The following COL6A3 variants were observed in gnomAD, a reference collection of about 807,000 sequenced individuals.
COL6A3 encodes the protein collagen type VI alpha 3 chain.
COL6A3 carries 137 observed loss-of-function variants against 274.1 expected under a neutral mutation model. The observed-to-expected ratio is 0.50, with a 90% CI of 0.44 to 0.58. The LOEUF (loss-of-function observed/expected upper bound fraction) is 0.58. Among genes scored for constraint, COL6A3 ranks in the 20% least tolerant of loss-of-function variants. COL6A3 has a pLI of 0.00. For synonymous variants in COL6A3, 1,650 were observed against 1,650.6 expected, an observed-to-expected ratio of 1.00 and a Z score of 0.01; for missense variants, 3,950 against 4,124.9, an observed-to-expected ratio of 0.96 and a Z score of 1.16.
chr2:237,383,239 A>G (rs2078055552), intron 4 of COL6A3, among the ~76,000 whole-genome samples: 2 of 152,228 alleles, frequency 1.3e-5, no homozygotes, highest in Admixed American at 1.3e-4. Flanking sequence ...TAGCATCAAG[A>G]CAAGGTCTAT....
intron 42 of COL6A3, among the ~76,000 whole-genome samples, chr2:237,330,690 A>T (rs1444683153): frequency 2.6e-5 from 4 of 152,170 alleles, no homozygotes; most frequent in South Asian, 4.1e-4. Context: ...GAGGACAAAA[A>T]ATGCCCCAAC....
Position 237,371,655 on chromosome 2 carries a change from G to T in COL6A3, c.4285+77C>A. 1 of 1,516,612 alleles carries T rather than the reference G, an allele frequency of 6.6e-7. No individual in the cohort carries two copies. Among genetic ancestry groups the T allele is most frequent in the South Asian group, 1.4e-5 (1 of 73,682 alleles). The allele number at this position is 1,516,612 out of a possible 1,614,324, so 93.9% of individuals were successfully genotyped here. The stretch of plus-strand genomic sequence containing the variant: ...CCTTTATTTTAATTTAATTTATTAT[G>T]AGTACCATGGCCTTTGAGCCTGTTA... On this transcript the variant is annotated intron_variant, in intron 9 of 43. Coordinates refer to ENST00000295550, the MANE Select transcript of COL6A3 (RefSeq NM_004369.4). The surrounding 1 kb of genome is among the most constrained non-coding windows in gnomAD (Gnocchi z 4.3).
At chr2:237,382,298 A>T (rs2078026795) in intron 4 of COL6A3, among the ~76,000 whole-genome samples, 1 of 152,060 alleles carries the variant, frequency 6.6e-6, no homozygotes, top group Non-Finnish European at 1.5e-5. Flanking sequence ...CATGAGAATC[A>T]CTTGAACCTG....
At chr2:237,341,327 C>T (rs1029219882) in intron 37 of COL6A3, among the ~76,000 whole-genome samples, 177 bp from the exon 38 acceptor site, 3 of 152,020 alleles carry the variant, frequency 2.0e-5, no homozygotes, top group Admixed American at 6.6e-5. Context: ...AGGTGGATCA[C>T]GAGGTCAAGA....
In COL6A3 at chr2:237,332,117, A is replaced by ATATATATATG. The variant is rs35490728; in HGVS notation, c.9328+1332_9328+1333insCATATATATA. Reference sequence around the variant, plus strand: ...TATATATATATATATATATATATATATGAAAAGAAAAACAAAACAGCCCAG... The same window carrying ATATATATATG: ...TATATATATATATATATATATATATATATATATATGTGAAAAGAAAAACAAAACAGCCCAG... On this transcript the variant is annotated intron_variant, in intron 42 of 43. Transcript: ENST00000295550. Among the ~76,000 whole-genome samples the ATATATATATG allele has an allele frequency of 8.4e-3, 536 of 64,152 alleles. 104 individuals are homozygous for ATATATATATG. Among genetic ancestry groups the ATATATATATG allele is most frequent in the Middle Eastern group, 0.024 (2 of 82 alleles). The allele number at this position is 64,152 out of a possible 152,430, so 42.1% of individuals were successfully genotyped here. A position where few individuals can be genotyped will look rare whatever the true frequency, so the allele number is the denominator to read the frequency against.
At chr2:237,365,669 G>A (rs959391815) in intron 12 of COL6A3, 29 bp downstream of exon 12, 2 of 1,608,728 alleles carry the variant, frequency 1.2e-6, no homozygotes, top group Non-Finnish European at 1.7e-6. Context: ...ATTTCCCAGG[G>A]AGCACCTGAA....
At chr2:237,366,180 A>G in intron 11 of COL6A3, 145 bp from the exon 12 acceptor site, 1 of 731,746 alleles carries the variant, frequency 1.4e-6, no homozygotes, top group East Asian at 2.7e-5. Context: ...GTGAGCTTTG[A>G]GAAGCAATTC....
intron 13 of COL6A3, 64 bp from the exon 14 acceptor site, chr2:237,363,462 T>TC: frequency 3.2e-6 from 5 of 1,584,486 alleles, no homozygotes; most frequent in Non-Finnish European, 4.3e-6. Context: ...TGTCCTTTTT[T>TC]CCTGACTACA....
chr2:237,347,418 A>G (rs1173776674), intron 31 of COL6A3, among the ~76,000 whole-genome samples: 1 of 152,216 alleles, frequency 6.6e-6, no homozygotes, highest in Non-Finnish European at 1.5e-5. Flanking sequence ...TTGCAAGCCT[A>G]GAGGCTTCAG....
chr2:237,324,680 G>A lies in COL6A3; in HGVS notation c.*94C>T. 1 of 1,128,660 alleles carries A rather than the reference G, an allele frequency of 8.9e-7. No homozygotes were observed. Among genetic ancestry groups the A allele is most frequent in the African/African-American group, 1.5e-5 (1 of 65,318 alleles). The allele number at this position is 1,128,660 out of a possible 1,614,324, so 69.9% of individuals were successfully genotyped here. ...AAATCAAAGCATGAAATGATACAGT[G>A]CAAGGGAATCTACACCCGGAGCTTC... On this transcript the variant is annotated 3_prime_UTR_variant, in exon 44 of 44. Coordinates refer to ENST00000295550, the MANE Select transcript of COL6A3 (RefSeq NM_004369.4).
Position 237,336,473 on chromosome 2 carries a change from G to A in COL6A3, c.8627C>T (p.Pro2876Leu), listed in dbSNP as rs367635298. 41 of 1,614,190 alleles carry A rather than the reference G, an allele frequency of 2.5e-5. No individual in the cohort carries two copies. Among genetic ancestry groups the A allele is most frequent in the East Asian group, 1.3e-4 (6 of 44,886 alleles). The stretch of plus-strand genomic sequence containing the variant: ...GGTCACCGGCTTCGTCGTAGTCACC[G>A]GCTTCGTTGTCGTCACTGGGTTGGA... The part of the protein sequence containing the change: ...PTSNPVTTTK[P>L]VTTTKPVTTT... Residue 2876 changes from proline (P) to leucine (L), a missense_variant, in exon 40 of 44, where the codon CCG (proline) becomes CTG (leucine). This residue lies in a region of COL6A3 where 1,284 missense variants were observed against 1,349.7 expected (regional missense o/e 0.95). Transcript: ENST00000295550.
At chr2:237,411,595 T>C (rs1442383387) in intron 1 of COL6A3, among the ~76,000 whole-genome samples, 1 of 152,212 alleles carries the variant, frequency 6.6e-6, no homozygotes, top group Non-Finnish European at 1.5e-5. Context: ...AACAATCGAC[T>C]GAAGAGAGGA....
In COL6A3 at chr2:237,344,210, A is replaced by G. The variant is rs545754286; in HGVS notation, c.7668+140T>C. ...GTTGTCCTGGAGACCTCACAAGAGA[A>G]GTTCTCAGGCAGATGGCCTCATTGG... On this transcript the variant is annotated intron_variant, in intron 36 of 43. Coordinates refer to ENST00000295550, the MANE Select transcript of COL6A3 (RefSeq NM_004369.4). This position sits in a 1 kb window ranked among gnomAD's most constrained non-coding sequence, Gnocchi z 4.8. 2 of 1,296,058 alleles carry G rather than the reference A, an allele frequency of 1.5e-6. No homozygotes were observed. Among genetic ancestry groups the G allele is most frequent in the African/African-American group, 1.5e-5 (1 of 68,820 alleles). The allele number at this position is 1,296,058 out of a possible 1,614,324, so 80.3% of individuals were successfully genotyped here.
chr2:237,388,016 A>G lies in COL6A3; in HGVS notation c.878T>C (p.Met293Thr), dbSNP rs1361910233. 1.2e-6 allele frequency: 2 copies of G among 1,614,152 alleles called. No homozygotes were observed. The highest frequency in any genetic ancestry group is 1.7e-5 in the Admixed American group (1 of 60,016). ...GGTGGAGTAGGTGTCCAAGGAGAACATGGTTCTGGGCTCATCGCTAAACTG... is the reference window on the plus strand; with the variant it reads ...GGTGGAGTAGGTGTCCAAGGAGAACGTGGTTCTGGGCTCATCGCTAAACTG... ...VVQFSDEPRT[M>T]FSLDTYSTKA... is the part of the protein sequence containing the mutation. Residue 293 changes from methionine to threonine, a missense_variant, in exon 4 of 44, where the codon ATG (methionine) becomes ACG (threonine). This residue lies in a region of COL6A3 where 1,934 missense variants were observed against 1,984.3 expected (regional missense o/e 0.97). Transcript: ENST00000295550.
intron 25 of COL6A3, 25 bp from the exon 26 acceptor site, chr2:237,352,609 A>T (rs749325049): frequency 3.1e-6 from 5 of 1,606,640 alleles, no homozygotes; most frequent in South Asian, 1.1e-5. Context: ...GACCATCGTG[A>T]GTGCTAATGA....
intron 42 of COL6A3, chr2:237,325,941 T>C: frequency 4.1e-6 from 2 of 483,736 alleles, no homozygotes; most frequent in East Asian, 3.2e-5. Flanking sequence ...GATGAAATTA[T>C]ATCAATGAAA....
chr2:237,348,794 A>T (rs2077148011), intron 28 of COL6A3, 131 bp from the exon 29 acceptor site: 1 of 778,744 alleles, frequency 1.3e-6, no homozygotes, highest in Non-Finnish European at 2.3e-6. Flanking sequence ...AAGGTACAGG[A>T]GTAGGCACAC....
intron 17 of COL6A3, among the ~76,000 whole-genome samples, chr2:237,359,817 C>T (rs1017574399): frequency 1.6e-4 from 24 of 152,228 alleles, no homozygotes; most frequent in African/African-American, 5.8e-4. Flanking sequence ...GCCTACCCTC[C>T]GCCCTGGCCC....
At position 237,361,714 on chromosome 2, in the gene COL6A3, G is replaced by A. The variant is rs111755513; in HGVS notation, c.6156+25C>T. 1.1e-3 allele frequency: 1,713 copies of A among 1,604,420 alleles called. 9 individuals are homozygous for A. Among genetic ancestry groups the A allele is most frequent in the South Asian group, 3.5e-3 (317 of 90,892 alleles). ...GGGCTTCTGACACCTCATCTCAGGC[G>A]TGGGCAAGGGTAAAGCCACCGTACC... On this transcript the variant is annotated intron_variant, in intron 15 of 43. Coordinates refer to ENST00000295550, the MANE Select transcript of COL6A3 (RefSeq NM_004369.4). The surrounding 1 kb of genome is among the most constrained non-coding windows in gnomAD (Gnocchi z 5.1).
Sources: gnomAD v4.1 joint callset for allele counts (sites outside exome capture counted in the v4.1 genomes callset) on GRCh38, gnomAD v4.1.1 for gene constraint, gnomAD v4.1.1 regional missense constraint, Gnocchi (gnomAD v3.1) non-coding constraint, MANE v1.5 for transcripts, NCBI Gene and HGNC (gene_info 2026-07-23, HGNC 2026-07-21) for gene names.